Variants in TRIM9 observed in about 807,000 individuals in gnomAD.
The protein encoded by TRIM9 is E3 ubiquitin-protein ligase TRIM9.
TRIM9 carries 26 observed loss-of-function variants against 78.3 expected under a neutral mutation model. The observed-to-expected ratio is 0.33, with a 90% CI of 0.24 to 0.46. TRIM9 has a LOEUF of 0.46. TRIM9 is among the 20% of genes least tolerant of loss of function. The pLI, the probability that TRIM9 is intolerant of heterozygous loss-of-function variation, is 1.00. For missense variants in TRIM9, 787 were observed against 1,036.4 expected (o/e 0.76, Z 3.30); for synonymous variants, 398 against 416.5 (o/e 0.96, Z 0.54).
chr14:51,007,139 C>G (rs1805879812), intron 5 of TRIM9, among the ~76,000 whole-genome samples: 1 of 152,200 alleles, frequency 6.6e-6, no homozygotes, highest in Non-Finnish European at 1.5e-5. Context: ...CTCCTGCCCC[C>G]TCACTGAGGC....
chr14:51,060,824 C>T (rs1471976061), intron 1 of TRIM9, among the ~76,000 whole-genome samples: 2 of 152,114 alleles, frequency 1.3e-5, no homozygotes, highest in Non-Finnish European at 2.9e-5. Context: ...TATACCATGA[C>T]AGCATTTGTA....
intron 1 of TRIM9, among the ~76,000 whole-genome samples, chr14:51,082,562 C>T (rs1283397496): frequency 6.6e-6 from 1 of 152,154 alleles, no homozygotes; most frequent in Non-Finnish European, 1.5e-5. Context: ...ATCCTGATTA[C>T]ACAAATCCAC....
At chr14:51,016,331 G>A (rs771622389) in intron 3 of TRIM9, among the ~76,000 whole-genome samples, 47 of 151,960 alleles carry the variant, frequency 3.1e-4, no homozygotes, top group Non-Finnish European at 5.9e-4. Flanking sequence ...GATCAGCAGC[G>A]GCATTAGATT....
Position 50,981,838 on chromosome 14 carries a change from G to A in TRIM9, c.2124C>T (p.Asn708=). The change falls in exon 11 of 13, where the codon AAC becomes AAT. Residue 708 remains asparagine (N), a synonymous_variant. Coordinates refer to ENST00000684578, the MANE Select transcript of TRIM9 (RefSeq NM_001387360.1). ...DKAWAMYVDN[N]RSWFMHNNSH... is the part of the protein sequence containing the mutation. ...AGTTGTTGTGCATGAACCAGCTCCGGTTATTGTCCACATACATTGCCCAAG... is the reference window on the plus strand; with the variant it reads ...AGTTGTTGTGCATGAACCAGCTCCGATTATTGTCCACATACATTGCCCAAG... The A allele has an allele frequency of 6.2e-7, 1 of 1,614,180 alleles. No homozygotes were observed.
intron 1 of TRIM9, among the ~76,000 whole-genome samples, chr14:51,066,052 AGAAGGAAG>A (rs78448733): frequency 0.29 from 32,256 of 112,274 alleles, 6,081 homozygotes; most frequent in South Asian, 0.5. Flanking sequence ...CATCTCTTTT[AGAAGGAAG>A]GAAGGAAGGA....
At chr14:51,045,801 AC>A (rs1322437871) in intron 1 of TRIM9, among the ~76,000 whole-genome samples, 2 of 152,152 alleles carry the variant, frequency 1.3e-5, no homozygotes, top group African/African-American at 2.4e-5. Context: ...TTTTTCATTC[AC>A]CTTTCTTTGG....
At chr14:51,023,070 T>G in intron 2 of TRIM9, 113 bp from the exon 3 acceptor site, 2 of 1,384,912 alleles carry the variant, frequency 1.4e-6, no homozygotes, top group Non-Finnish European at 2.0e-6. Context: ...CTGTCCACAA[T>G]GCACATTTGG....
chr14:50,997,284 A>G (rs778967598), intron 7 of TRIM9: 2 of 985,304 alleles, frequency 2.0e-6, no homozygotes, highest in Non-Finnish European at 2.4e-6. Context: ...GAGACACATT[A>G]CTTGTCTTTG....
At chr14:50,995,476 A>C (rs559069495) in intron 7 of TRIM9, among the ~76,000 whole-genome samples, 38 of 152,320 alleles carry the variant, frequency 2.5e-4, no homozygotes, top group African/African-American at 8.4e-4. Flanking sequence ...AGAAAAAACC[A>C]ATCAAAATTT....
At chr14:51,088,897 A>G (rs2064033882) in intron 1 of TRIM9, 1 of 151,982 alleles carries the variant, frequency 6.6e-6, no homozygotes, top group South Asian at 2.1e-4. Context: ...AGAATCTTAA[A>G]GTATTTACAT....
intron 3 of TRIM9, among the ~76,000 whole-genome samples, chr14:51,021,444 C>T (rs1392133564): frequency 2.0e-5 from 3 of 152,224 alleles, no homozygotes; most frequent in African/African-American, 7.2e-5. Flanking sequence ...GGGCACCTCT[C>T]TCCTGGAAGC....
At chr14:51,035,839 A>T (rs2059098550) in intron 1 of TRIM9, among the ~76,000 whole-genome samples, 1 of 152,236 alleles carries the variant, frequency 6.6e-6, no homozygotes. Flanking sequence ...CATATTTTTG[A>T]ACCTCAGTTG....
At position 50,981,889 on chromosome 14, in the gene TRIM9, A is replaced by T; in HGVS notation, c.2073T>A (p.Asp691Glu). The T allele has an allele frequency of 6.2e-7, 1 of 1,614,030 alleles. No homozygotes were observed. ...FGVARMDVMK[D>E]VMLGKDDKAW... ...CTTTGTCGTCTTTTCCTAACATCACATCCTTCATCACGTCCATGCGAGCCA... is the reference window on the plus strand; with the variant it reads ...CTTTGTCGTCTTTTCCTAACATCACTTCCTTCATCACGTCCATGCGAGCCA... Residue 691 changes from aspartate to glutamate, a missense_variant, in exon 11 of 13, where the codon GAT becomes GAA. By Grantham distance (45) the Asp-to-Glu change is conservative (BLOSUM62 2). Transcript: ENST00000684578.
intron 1 of TRIM9, among the ~76,000 whole-genome samples, chr14:51,081,706 C>T (rs899475677): frequency 1.3e-5 from 2 of 152,214 alleles, no homozygotes; most frequent in Admixed American, 6.5e-5. Context: ...TCATCCCCTT[C>T]TCACGTTTGA....
chr14:51,074,362 G>T (rs2062569195), intron 1 of TRIM9, among the ~76,000 whole-genome samples: 1 of 152,122 alleles, frequency 6.6e-6, no homozygotes. Context: ...TGAAATTGAA[G>T]AATTTGGCAT....
At chr14:50,989,520 C>G (rs1001553523) in intron 7 of TRIM9, among the ~76,000 whole-genome samples, 3 of 152,016 alleles carry the variant, frequency 2.0e-5, no homozygotes, top group Non-Finnish European at 4.4e-5. Context: ...AGCTAATATG[C>G]AGGATAATAA....
chr14:50,979,668 C>T lies in TRIM9; in HGVS notation c.2163-119G>A, dbSNP rs139362826. 6.5e-5 allele frequency: 54 copies of T among 824,614 alleles called. 1 individual carries two copies. The South Asian group carries it at 8.0e-4, about 12-fold the overall frequency. The allele number at this position is 824,614 out of a possible 1,614,324, so 51.1% of individuals were successfully genotyped here. ...TTTATAATCATCACTACCCCAAAAC[C>T]GTTTCCCTAATCATCCCTTGCACAT... On this transcript the variant is annotated intron_variant, in intron 11 of 12. Coordinates refer to ENST00000684578, the MANE Select transcript of TRIM9 (RefSeq NM_001387360.1).
chr14:51,032,083 C>G (rs2058779203), intron 1 of TRIM9, among the ~76,000 whole-genome samples: 1 of 152,206 alleles, frequency 6.6e-6, no homozygotes, highest in South Asian at 2.1e-4. Context: ...TGCATAGTGA[C>G]ATTTACCTCT....
At chr14:50,986,629 T>C (rs972099461) in intron 7 of TRIM9, among the ~76,000 whole-genome samples, 1 of 152,204 alleles carries the variant, frequency 6.6e-6, no homozygotes, top group African/African-American at 2.4e-5. Context: ...TCTCCTAATG[T>C]GTATTTTTCT....
Sources: gnomAD v4.1 joint callset for allele counts (sites outside exome capture counted in the v4.1 genomes callset) on GRCh38, gnomAD v4.1.1 for gene constraint, MANE v1.5 for transcripts, NCBI Gene and HGNC (gene_info 2026-07-23, HGNC 2026-07-21) for gene names.